Variants in FOXP2 observed in about 807,000 individuals in gnomAD.
FOXP2 encodes the protein forkhead box protein P2.
A neutral mutation model predicts 115.8 loss-of-function variants in FOXP2; 12 were observed. The ratio of observed to expected loss-of-function variants is 0.10; its 90% CI spans 0.07 to 0.17. FOXP2 has a LOEUF of 0.17. Ranked by LOEUF, FOXP2 falls within the 10% of genes least tolerant of loss-of-function variation. The pLI is 1.00. For synonymous variants in FOXP2, 328 were observed against 297.7 expected (o/e 1.10, Z -1.05); for missense variants, 629 against 843.5 (o/e 0.75, Z 3.15).
At chr7:114,628,319 A>G (rs1448342778) in intron 3 of FOXP2, among the ~76,000 whole-genome samples, 1 of 152,200 alleles carries the variant, frequency 6.6e-6, no homozygotes, top group African/African-American at 2.4e-5. Context: ...GAGCTATGGA[A>G]CATAAAGAGT....
chr7:114,690,990 A>G lies in FOXP2; in HGVS notation c.*1064A>G, dbSNP rs1228084096. 2.2e-6 allele frequency: 1 copy of G among 454,468 alleles called. No homozygotes were observed. Among genetic ancestry groups the G allele is most frequent in the South Asian group, 1.6e-5 (1 of 64,482 alleles). The allele number at this position is 454,468 out of a possible 1,614,324, so 28.2% of individuals were successfully genotyped here. ...CTTCTGAGGCCAAAAGTCCATCTAAATGCAATGAAGATTTGCTTTCATTAA... is the reference window on the plus strand; with the variant it reads ...CTTCTGAGGCCAAAAGTCCATCTAAGTGCAATGAAGATTTGCTTTCATTAA... On this transcript the variant is annotated 3_prime_UTR_variant, in exon 17 of 17. Transcript: ENST00000350908.
intron 2 of FOXP2, among the ~76,000 whole-genome samples, chr7:114,404,163 G>C (rs1422010857): frequency 6.6e-6 from 1 of 152,064 alleles, no homozygotes; most frequent in Non-Finnish European, 1.5e-5. Flanking sequence ...TGAGTGGAGA[G>C]AAGGGGTGTC....
intron 3 of FOXP2, among the ~76,000 whole-genome samples, chr7:114,540,380 G>A (rs1788758583): frequency 6.6e-6 from 1 of 152,012 alleles, no homozygotes; most frequent in Admixed American, 6.6e-5. Context: ...GAATAATAGA[G>A]CTCAATAAAT....
intron 3 of FOXP2, among the ~76,000 whole-genome samples, chr7:114,549,214 C>T (rs1269890038): frequency 6.6e-6 from 1 of 152,180 alleles, no homozygotes; most frequent in Admixed American, 6.5e-5. Flanking sequence ...TTTGTTCCCA[C>T]ATAAACCCCA....
At chr7:114,401,804 A>G (rs1453156026) in intron 2 of FOXP2, among the ~76,000 whole-genome samples, 1 of 152,188 alleles carries the variant, frequency 6.6e-6, no homozygotes, top group African/African-American at 2.4e-5. Flanking sequence ...TTAGTTTGTT[A>G]CCCTAAAGTA....
At chr7:114,664,714 G>A (rs932825755) in intron 16 of FOXP2, 5 of 445,452 alleles carry the variant, frequency 1.1e-5, no homozygotes, top group African/African-American at 4.0e-5. Flanking sequence ...TGTCTAAGAT[G>A]AATCTACATC....
intron 2 of FOXP2, among the ~76,000 whole-genome samples, chr7:114,471,775 C>A (rs1796057448): frequency 6.6e-6 from 1 of 151,114 alleles, no homozygotes; most frequent in South Asian, 2.1e-4. Context: ...CATGGTGAAA[C>A]CCCATCTCCA....
chr7:114,307,668 C>T (rs774198367), intron 2 of FOXP2, among the ~76,000 whole-genome samples: 2 of 152,260 alleles, frequency 1.3e-5, no homozygotes, highest in African/African-American at 2.4e-5. Flanking sequence ...GATTGCCATA[C>T]ATTTCATAAC....
intron 2 of FOXP2, among the ~76,000 whole-genome samples, chr7:114,325,752 T>C (rs1797539666): frequency 6.6e-6 from 1 of 151,968 alleles, no homozygotes; most frequent in African/African-American, 2.4e-5. Context: ...ACCCGTTCGG[T>C]TGCTGAGATG....
chr7:114,562,913 C>T (rs1800823420), intron 3 of FOXP2, among the ~76,000 whole-genome samples: 1 of 152,022 alleles, frequency 6.6e-6, no homozygotes, highest in Admixed American at 6.6e-5. Flanking sequence ...AAAGACATAC[C>T]TGAGACTGGG....
At position 114,458,561 on chromosome 7, in the gene FOXP2, T is replaced by TG. The variant is rs1474596910; in HGVS notation, c.168+31882_168+31883insG. On this transcript the variant is annotated intron_variant, in intron 2 of 16. Coordinates refer to ENST00000350908, the MANE Select transcript of FOXP2 (RefSeq NM_014491.4). Reference sequence around the variant, plus strand: ...ATTTTCTTTTCTTTTTTTTTTTTTTTTTTTGAGACAGGATCTCCCTCTGTG... The same window carrying TG: ...ATTTTCTTTTCTTTTTTTTTTTTTTTGTTTTGAGACAGGATCTCCCTCTGTG... 6.1e-5 allele frequency among the ~76,000 whole-genome samples: 9 copies of TG among 148,510 alleles called. No individual in the cohort carries two copies. The East Asian group carries it at 1.8e-3, about 29-fold the overall frequency.
At chr7:114,155,508 T>C (rs184062984) in intron 1 of FOXP2, among the ~76,000 whole-genome samples, 3 of 152,288 alleles carry the variant, frequency 2.0e-5, no homozygotes, top group African/African-American at 7.2e-5. Context: ...AAGCTGTCTC[T>C]TGTGAGGAAA....
chr7:114,244,366 C>A (rs570505789), intron 1 of FOXP2, among the ~76,000 whole-genome samples: 3 of 152,268 alleles, frequency 2.0e-5, no homozygotes, highest in African/African-American at 7.2e-5. Context: ...ATCCAGGATA[C>A]CACATTAAAT....
intron 2 of FOXP2, among the ~76,000 whole-genome samples, chr7:114,513,126 A>G (rs1452334484): frequency 1.3e-5 from 2 of 152,136 alleles, no homozygotes; most frequent in South Asian, 2.1e-4. Flanking sequence ...TACCTTGGTT[A>G]AATTACTCAA....
chr7:114,339,561 C>G (rs1395371643), intron 2 of FOXP2, among the ~76,000 whole-genome samples: 1 of 150,870 alleles, frequency 6.6e-6, no homozygotes, highest in Non-Finnish European at 1.5e-5. Context: ...TTTCCTGAAG[C>G]TTTACTTTAT....
intron 2 of FOXP2, among the ~76,000 whole-genome samples, chr7:114,381,402 G>A (rs775727932): frequency 1.8e-4 from 28 of 152,176 alleles, no homozygotes; most frequent in Non-Finnish European, 3.2e-4. Context: ...CTGTACCGAA[G>A]GACAAGAGTG....
At chr7:114,529,274 A>G (rs1056102423) in intron 2 of FOXP2, among the ~76,000 whole-genome samples, 16 of 151,846 alleles carry the variant, frequency 1.1e-4, no homozygotes, top group African/African-American at 3.9e-4. Context: ...TTCTGAGGTC[A>G]TCTGGGGGTT....
At chr7:114,192,860 C>A (rs1026101361) in intron 1 of FOXP2, among the ~76,000 whole-genome samples, 1 of 152,142 alleles carries the variant, frequency 6.6e-6, no homozygotes, top group Admixed American at 6.5e-5. Context: ...GAATTCTCAA[C>A]ACCTTAGTAG....
chr7:114,638,953 G>C (rs372442405), intron 6 of FOXP2, among the ~76,000 whole-genome samples: 4 of 152,040 alleles, frequency 2.6e-5, no homozygotes, highest in Non-Finnish European at 4.4e-5. Context: ...TTTATTGAGG[G>C]CCTACTAACT....
Sources: gnomAD v4.1 joint callset for allele counts (sites outside exome capture counted in the v4.1 genomes callset) on GRCh38, gnomAD v4.1.1 for gene constraint, MANE v1.5 for transcripts, NCBI Gene and HGNC (gene_info 2026-07-23, HGNC 2026-07-21) for gene names.